The following ZNF813 variants were observed in gnomAD, a reference collection of about 807,000 sequenced individuals.
ZNF813 encodes zinc finger protein 813.
In ZNF813, 3 loss-of-function variants were observed where a neutral mutation model predicts 7.2. That is an observed-to-expected ratio of 0.42 (90% CI 0.19 to 1.08). The LOEUF (loss-of-function observed/expected upper bound fraction) is 1.08, where lower values mean the gene tolerates loss of function less well. ZNF813 is among the 50% of genes least tolerant of loss of function. The pLI is 0.30. For missense variants in ZNF813, 714 were observed against 753.3 expected, an observed-to-expected ratio of 0.95 and a Z score of 0.61; for synonymous variants, 227 against 256.3, an observed-to-expected ratio of 0.89 and a Z score of 1.09.
intron 1 of ZNF813, among the ~76,000 whole-genome samples, chr19:53,471,616 T>G (rs2086359294): frequency 6.6e-6 from 1 of 151,868 alleles, no homozygotes; most frequent in Admixed American, 6.6e-5. Context: ...AAGACCATCC[T>G]GGCTAACACG....
At position 53,493,334 on chromosome 19, in the gene ZNF813, AATCC is replaced by A. The variant is rs1236550401; in HGVS notation, c.*1252_*1255del. On this transcript the variant is annotated 3_prime_UTR_variant, in exon 4 of 4. Coordinates refer to ENST00000396403, the MANE Select transcript of ZNF813 (RefSeq NM_001004301.4). ...ATCATTTAACAATATTAATTTTTCC[AATCC>A]ATCAATATGGGTTATATGTCTGTAT... 1.3e-5 allele frequency: 2 copies of A among 157,006 alleles called. No individual in the cohort carries two copies. Among genetic ancestry groups the A allele is most frequent in the African/African-American group, 4.8e-5 (2 of 41,498 alleles). 9.7% of individuals were successfully genotyped at this position (157,006 alleles called of 1,614,324 possible).
At chr19:53,476,895 C>T (rs528110539) in intron 1 of ZNF813, among the ~76,000 whole-genome samples, 40 of 152,174 alleles carry the variant, frequency 2.6e-4, no homozygotes, top group African/African-American at 9.1e-4. Context: ...ATCTCCTGAC[C>T]TCGTGATCCA....
intron 1 of ZNF813, among the ~76,000 whole-genome samples, chr19:53,480,379 A>C (rs929168615): frequency 9.2e-5 from 14 of 152,108 alleles, no homozygotes; most frequent in African/African-American, 2.7e-4. Flanking sequence ...AAAAAAAAAA[A>C]AACATAATTA....
Position 53,492,138 on chromosome 19 carries a change from C to A in ZNF813, c.*52C>A. The A allele has an allele frequency of 1.9e-6, 3 of 1,565,976 alleles. No individual in the cohort carries two copies. The highest frequency in any genetic ancestry group is 2.6e-6 in the Non-Finnish European group (3 of 1,153,902). ...AATTCATACTGGAAAGAAACAAGTG[C>A]AATGAGTGTGGCAAGACCTTCTGTC... On this transcript the variant is annotated 3_prime_UTR_variant, in exon 4 of 4. Coordinates refer to ENST00000396403, the MANE Select transcript of ZNF813 (RefSeq NM_001004301.4).
chr19:53,487,733 G>C (rs965267736), intron 3 of ZNF813, among the ~76,000 whole-genome samples: 2 of 149,596 alleles, frequency 1.3e-5, no homozygotes, highest in African/African-American at 4.9e-5. Flanking sequence ...GGGAGGTGAA[G>C]GTTGCAGTGA....
intron 1 of ZNF813, among the ~76,000 whole-genome samples, chr19:53,478,289 C>T (rs935837925): frequency 2.0e-5 from 3 of 152,126 alleles, no homozygotes; most frequent in Non-Finnish European, 4.4e-5. Flanking sequence ...CCTACCTCAG[C>T]TTCCTGTGTA....
intron 1 of ZNF813, among the ~76,000 whole-genome samples, chr19:53,468,340 G>A (rs12980243): frequency 0.38 from 57,775 of 151,704 alleles, 11,155 homozygotes; most frequent in South Asian, 0.43. Flanking sequence ...CCTGTTGAAG[G>A]AGGCCAGCCC....
intron 1 of ZNF813, among the ~76,000 whole-genome samples, chr19:53,473,493 G>T (rs975826304): frequency 1.3e-5 from 2 of 152,204 alleles, no homozygotes; most frequent in African/African-American, 4.8e-5. Flanking sequence ...TTGCTGGCTG[G>T]TCCACTTGCC....
chr19:53,471,443 C>G (rs191493891), intron 1 of ZNF813, among the ~76,000 whole-genome samples: 141 of 152,170 alleles, frequency 9.3e-4, no homozygotes, highest in African/African-American at 3.1e-3. Flanking sequence ...CAAGTTAATT[C>G]TTCTAGGGAG....
At chr19:53,484,085 C>T (rs370710162) in intron 2 of ZNF813, among the ~76,000 whole-genome samples, 29 of 151,972 alleles carry the variant, frequency 1.9e-4, no homozygotes, top group African/African-American at 5.3e-4. Flanking sequence ...TGGATGGAGA[C>T]GGGGTGAGGG....
intron 3 of ZNF813, among the ~76,000 whole-genome samples, chr19:53,488,624 G>A (rs2086445207): frequency 6.7e-6 from 1 of 149,168 alleles, no homozygotes; most frequent in South Asian, 2.1e-4. Flanking sequence ...GGATTTCATG[G>A]TGTTAGCCAG....
At chr19:53,471,233 G>A (rs527392386) in intron 1 of ZNF813, among the ~76,000 whole-genome samples, 2 of 152,116 alleles carry the variant, frequency 1.3e-5, no homozygotes, top group South Asian at 4.1e-4. Context: ...CTTTTTCCTG[G>A]CAACTGTCGG....
At chr19:53,485,275 C>A (rs1174400848) in intron 2 of ZNF813, among the ~76,000 whole-genome samples, 1 of 152,056 alleles carries the variant, frequency 6.6e-6, no homozygotes, top group African/African-American at 2.4e-5. Flanking sequence ...AGGATTCCAC[C>A]CTGCCCCCAA....
At chr19:53,488,646 T>C (rs1288126728) in intron 3 of ZNF813, among the ~76,000 whole-genome samples, 1 of 150,706 alleles carries the variant, frequency 6.6e-6, no homozygotes, top group Non-Finnish European at 1.5e-5. Flanking sequence ...ATGGTCTCGA[T>C]CTGACCTCGT....
At chr19:53,469,770 C>G (rs1403363827) in intron 1 of ZNF813, among the ~76,000 whole-genome samples, 74 of 149,552 alleles carry the variant, frequency 4.9e-4, no homozygotes, top group African/African-American at 1.8e-3. Context: ...AGGGAGGACA[C>G]CTGGGGATCT....
intron 1 of ZNF813, among the ~76,000 whole-genome samples, chr19:53,476,613 A>G (rs1389334051): frequency 1.4e-5 from 2 of 147,848 alleles, no homozygotes; most frequent in Non-Finnish European, 3.0e-5. Context: ...TGGGCAACAG[A>G]GCAAGACTCC....
In ZNF813 at chr19:53,485,629, G is replaced by T. The variant is rs12981248; in HGVS notation, c.16-1003G>T. Among the ~76,000 whole-genome samples the T allele has an allele frequency of 4.2e-5, 5 of 119,398 alleles. 1 individual carries two copies. In the Admixed American group the frequency reaches 4.4e-4, roughly 10 times the overall value. 78.3% of individuals were successfully genotyped at this position (119,398 alleles called of 152,430 possible). A position where few individuals can be genotyped will look rare whatever the true frequency, so the allele number is the denominator to read the frequency against. On this transcript the variant is annotated intron_variant, in intron 2 of 3. Coordinates refer to ENST00000396403, the MANE Select transcript of ZNF813 (RefSeq NM_001004301.4). ...ATATCGTGATATATACATGCATGTC[G>T]TGATATATACATGTATGTCATGACA...
intron 1 of ZNF813, among the ~76,000 whole-genome samples, chr19:53,481,594 C>T (rs149915161): frequency 6.6e-6 from 1 of 152,012 alleles, no homozygotes; most frequent in East Asian, 1.9e-4. Context: ...GGTGATCTAC[C>T]CACCTCAACC....
intron 1 of ZNF813, among the ~76,000 whole-genome samples, chr19:53,482,184 C>A: frequency 6.6e-6 from 1 of 151,644 alleles, no homozygotes; most frequent in Admixed American, 6.6e-5. Flanking sequence ...ATGCAGTACC[C>A]CAAAAATAAA....
Sources: gnomAD v4.1 joint callset for allele counts (sites outside exome capture counted in the v4.1 genomes callset) on GRCh38, gnomAD v4.1.1 for gene constraint, MANE v1.5 for transcripts, NCBI Gene and HGNC (gene_info 2026-07-23, HGNC 2026-07-21) for gene names.